GNA14: variants seen among roughly 807,000 people sequenced by gnomAD.
GNA14 encodes guanine nucleotide-binding protein subunit alpha-14.
A neutral mutation model predicts 42.0 loss-of-function variants in GNA14; 50 were observed. The observed-to-expected ratio is 1.19, with a 90% CI of 0.95 to 1.51. The LOEUF (loss-of-function observed/expected upper bound fraction) is 1.51. Ranked by LOEUF, GNA14 falls within the 40% of genes most tolerant of loss-of-function variation. The pLI is 0.00. For synonymous variants in GNA14, 173 were observed against 163.1 expected (o/e 1.06, Z -0.46); for missense variants, 473 against 446.2 (o/e 1.06, Z -0.54).
intron 2 of GNA14, among the ~76,000 whole-genome samples, chr9:77,476,602 C>G (rs748541586): frequency 1.3e-5 from 2 of 152,180 alleles, no homozygotes; most frequent in Admixed American, 6.5e-5. Context: ...GTGACTTCAA[C>G]ACATATGCTC....
At chr9:77,425,853 T>C in intron 5 of GNA14, 138 bp from the exon 6 acceptor site, 1 of 702,680 alleles carries the variant, frequency 1.4e-6, no homozygotes, top group Non-Finnish European at 2.4e-6. Context: ...CTGGTGAGCA[T>C]GTGGGGCCCC....
intron 1 of GNA14, among the ~76,000 whole-genome samples, chr9:77,530,084 A>G (rs960313885): frequency 6.6e-6 from 1 of 152,080 alleles, no homozygotes; most frequent in African/African-American, 2.4e-5. Context: ...AACCACACAC[A>G]CTTGATGAAA....
At chr9:77,570,879 A>T (rs1823048775) in intron 1 of GNA14, among the ~76,000 whole-genome samples, 1 of 152,158 alleles carries the variant, frequency 6.6e-6, no homozygotes, top group African/African-American at 2.4e-5. Context: ...TCAAATTTTA[A>T]TGTTTCTGAA....
chr9:77,583,993 A>G (rs72732772), intron 1 of GNA14, among the ~76,000 whole-genome samples: 5,181 of 152,334 alleles, frequency 0.034, 125 homozygotes, highest in Non-Finnish European at 0.052. Flanking sequence ...TAAAAATATA[A>G]AATCTCAACA....
At chr9:77,466,999 CGG>C (rs1836246388) in intron 2 of GNA14, among the ~76,000 whole-genome samples, 2 of 95,578 alleles carry the variant, frequency 2.1e-5, no homozygotes, top group Admixed American at 9.2e-5. Flanking sequence ...TTTTACCACT[CGG>C]TGTGTGTGTG....
At chr9:77,531,620 T>C (rs150036152) in intron 1 of GNA14, among the ~76,000 whole-genome samples, 109 of 152,306 alleles carry the variant, frequency 7.2e-4, no homozygotes, top group African/African-American at 2.5e-3. Flanking sequence ...GTGAAGCTGA[T>C]GTGAATGCAG....
rs1342072030 is a variant in GNA14 at position 77,464,377 on chromosome 9, G to GTATGTGTGTGTGTGTGTGTGTGTGTA, written c.310-29856_310-29855insTACACACACACACACACACACACATA. 1.3e-3 allele frequency among the ~76,000 whole-genome samples: 192 copies of GTATGTGTGTGTGTGTGTGTGTGTGTA among 150,524 alleles called. 1 individual carries two copies. Among genetic ancestry groups the GTATGTGTGTGTGTGTGTGTGTGTGTA allele is most frequent in the African/African-American group, 4.6e-3 (188 of 40,866 alleles). ...TGTGTGTGTGTGTGTGTGTGTGTGT[G>GTATGTGTGTGTGTGTGTGTGTGTGTA]TGTGTGTGTGTGTGTTTAAATGTGG... is the stretch of plus-strand genomic sequence containing the variant. On this transcript the variant is annotated intron_variant, in intron 2 of 6. Transcript: ENST00000341700.
intron 1 of GNA14, chr9:77,635,179 A>AT (rs1824163352): frequency 6.6e-6 from 1 of 151,618 alleles, no homozygotes; most frequent in Admixed American, 6.6e-5. Context: ...CTCCCCCACC[A>AT]TTTTCCCTGA....
chr9:77,532,133 A>G (rs1837538618), intron 1 of GNA14, among the ~76,000 whole-genome samples: 1 of 151,758 alleles, frequency 6.6e-6, no homozygotes, highest in Non-Finnish European at 1.5e-5. Flanking sequence ...TTTTTTTTCC[A>G]GAAGGGAAAT....
chr9:77,468,643 A>G (rs981243725), intron 2 of GNA14, among the ~76,000 whole-genome samples: 8 of 152,232 alleles, frequency 5.3e-5, no homozygotes, highest in South Asian at 2.1e-4. Flanking sequence ...TTTGGTCGAC[A>G]TAATGTGAGA....
intron 1 of GNA14, among the ~76,000 whole-genome samples, chr9:77,545,715 C>A (rs574911234): frequency 1.3e-5 from 2 of 152,132 alleles, no homozygotes; most frequent in South Asian, 4.2e-4. Context: ...TCACACTGTT[C>A]CGCATTACTT....
At chr9:77,563,839 G>A (rs1587831328) in intron 1 of GNA14, among the ~76,000 whole-genome samples, 1 of 152,036 alleles carries the variant, frequency 6.6e-6, no homozygotes, top group Non-Finnish European at 1.5e-5. Flanking sequence ...ACTTCCTATG[G>A]AGCGCAATTT....
At chr9:77,461,106 T>C (rs754741608) in intron 2 of GNA14, among the ~76,000 whole-genome samples, 16 of 152,234 alleles carry the variant, frequency 1.1e-4, no homozygotes, top group South Asian at 4.1e-4. Flanking sequence ...ATGATGGGCC[T>C]TCATGAGTCC....
chr9:77,590,527 C>T (rs1823374121), intron 1 of GNA14, among the ~76,000 whole-genome samples: 1 of 152,118 alleles, frequency 6.6e-6, no homozygotes, highest in African/African-American at 2.4e-5. Context: ...TCCAGGACAG[C>T]CCTGATTTCT....
chr9:77,588,930 A>C (rs1402420258), intron 1 of GNA14, among the ~76,000 whole-genome samples: 1 of 152,224 alleles, frequency 6.6e-6, no homozygotes, highest in African/African-American at 2.4e-5. Context: ...CCTGGGACAC[A>C]TTGGGGGTTC....
chr9:77,570,200 TCCC>T (rs966182121), intron 1 of GNA14, among the ~76,000 whole-genome samples: 4 of 152,132 alleles, frequency 2.6e-5, no homozygotes, highest in African/African-American at 9.7e-5. Context: ...TAACACCATT[TCCC>T]CCAATTTTAA....
intron 2 of GNA14, among the ~76,000 whole-genome samples, chr9:77,520,918 C>A (rs1837346899): frequency 6.6e-6 from 1 of 152,178 alleles, no homozygotes; most frequent in South Asian, 2.1e-4. Flanking sequence ...ATCATTGGCT[C>A]CCAAACTTCC....
intron 1 of GNA14, among the ~76,000 whole-genome samples, chr9:77,603,956 C>CAAAAAAAA (rs67044542): frequency 2.7e-3 from 217 of 81,598 alleles, no homozygotes; most frequent in Non-Finnish European, 3.5e-3. Flanking sequence ...AAAAAAAAAA[C>CAAAAAAAA]AAAAAAAAAA....
intron 1 of GNA14, among the ~76,000 whole-genome samples, chr9:77,598,796 C>T (rs1823505613): frequency 6.6e-6 from 1 of 152,184 alleles, no homozygotes; most frequent in African/African-American, 2.4e-5. Flanking sequence ...TGTCTACACT[C>T]CAATCAGCTG....
Sources: gnomAD v4.1 joint callset for allele counts (sites outside exome capture counted in the v4.1 genomes callset) on GRCh38, gnomAD v4.1.1 for gene constraint, MANE v1.5 for transcripts, NCBI Gene and HGNC (gene_info 2026-07-23, HGNC 2026-07-21) for gene names.